DUSP4: variants seen among roughly 807,000 people sequenced by gnomAD.
DUSP4 encodes dual specificity protein phosphatase 4.
A neutral mutation model predicts 27.2 loss-of-function variants in DUSP4; 12 were observed. That is an observed-to-expected ratio of 0.44 (90% CI 0.28 to 0.71). The LOEUF (loss-of-function observed/expected upper bound fraction) is 0.71. DUSP4 is among the 30% of genes least tolerant of loss of function. The probability of loss-of-function intolerance (pLI) is 0.14; values close to 1 mark genes in which losing one functional copy is unlikely to be tolerated. For synonymous variants in DUSP4, 257 were observed against 245.2 expected (o/e 1.05, Z -0.45); for missense variants, 448 against 551.3 (o/e 0.81, Z 1.88).
chr8:29,340,285 C>A, intron 1 of DUSP4, 42 bp from the exon 2 acceptor site: 5 of 1,553,564 alleles, frequency 3.2e-6, no homozygotes, highest in Non-Finnish European at 3.5e-6. Flanking sequence ...GGTCACTAAG[C>A]CAGCAGGAAG....
chr8:29,350,425 G>T lies in DUSP4; in HGVS notation c.-147C>A. 2.1e-6 allele frequency: 2 copies of T among 936,402 alleles called. No individual in the cohort carries two copies. The highest frequency in any genetic ancestry group is 3.1e-6 in the Non-Finnish European group (2 of 649,080). 58.0% of individuals were successfully genotyped at this position (936,402 alleles called of 1,614,324 possible). ...GGTCCTCAAGGGCTCCCGCGGGAGA[G>T]CCTCTTCTTCCCTGTCCCCTTCCTC... On this transcript the variant is annotated 5_prime_UTR_variant, in exon 1 of 4. Coordinates refer to ENST00000240100, the MANE Select transcript of DUSP4 (RefSeq NM_001394.7).
chr8:29,336,203 T>C lies in DUSP4; in HGVS notation c.*823A>G, dbSNP rs1271300058. 1 of 152,078 alleles carries C rather than the reference T, an allele frequency of 6.6e-6. No homozygotes were observed. The highest frequency in any genetic ancestry group is 2.1e-4 in the South Asian group (1 of 4,804). 9.4% of individuals were successfully genotyped at this position (152,078 alleles called of 1,614,324 possible). ...TGGCAACATAGTGAGATGCTGTCTT[T>C]TTCTTTTCTTTTTTTTTTAAAAAGC... On this transcript the variant is annotated 3_prime_UTR_variant, in exon 4 of 4. Coordinates refer to ENST00000240100, the MANE Select transcript of DUSP4 (RefSeq NM_001394.7).
chr8:29,348,159 G>A, intron 1 of DUSP4: 1 of 985,582 alleles, frequency 1.0e-6, no homozygotes, highest in Non-Finnish European at 1.2e-6. Flanking sequence ...GGGTTTGGAC[G>A]CCAGCGAAGG....
At position 29,337,265 on chromosome 8, in the gene DUSP4, T is replaced by C. The variant is rs1333837370; in HGVS notation, c.946A>G (p.Ile316Val). The change falls in exon 4 of 4, where the codon ATC becomes GTC. Residue 316 changes from isoleucine (I) to valine (V), a missense_variant. Coordinates refer to ENST00000240100, the MANE Select transcript of DUSP4 (RefSeq NM_001394.7). This position sits in a 1 kb window ranked among gnomAD's most constrained non-coding sequence, Gnocchi z 6.4. ...AFEFVKQRRSIISPNFSFMGQ... is the reference protein window; with the variant it reads ...AFEFVKQRRSVISPNFSFMGQ... The stretch of plus-strand genomic sequence containing the variant: ...ATGAAGCTGAAGTTGGGCGAGATGA[T>C]GCTGCGGCGCTGCTTAACGAACTCG... 6.2e-6 allele frequency: 10 copies of C among 1,613,636 alleles called. No individual in the cohort carries two copies. Among genetic ancestry groups the C allele is most frequent in the African/African-American group, 2.7e-5 (2 of 74,928 alleles).
rs942355162 is a variant in DUSP4, at chr8:29,350,292, C to T, written c.-14G>A. ...CATCGTCACCATGGTCGCCGGGAAC[C>T]GAGGCGGCTGGGCGCGCGAGGAAGA... On this transcript the variant is annotated 5_prime_UTR_variant, in exon 1 of 4. Transcript: ENST00000240100. 6.4e-7 allele frequency: 1 copy of T among 1,558,602 alleles called. No homozygotes were observed. Among genetic ancestry groups the T allele is most frequent in the African/African-American group, 1.4e-5 (1 of 73,288 alleles).
intron 1 of DUSP4, chr8:29,348,237 C>A (rs2117277389): frequency 1.0e-5 from 10 of 985,590 alleles, no homozygotes; most frequent in Non-Finnish European, 1.2e-5. Flanking sequence ...TCCCGGCCAG[C>A]CCCGGCCATT....
chr8:29,348,561 G>A, intron 1 of DUSP4: 1 of 985,596 alleles, frequency 1.0e-6, no homozygotes. Flanking sequence ...AGGTCAAATG[G>A]GCAGGAAACA....
intron 1 of DUSP4, among the ~76,000 whole-genome samples, chr8:29,343,229 C>T (rs1034971358): frequency 4.0e-5 from 6 of 150,622 alleles, no homozygotes; most frequent in Admixed American, 1.3e-4. Context: ...GGCAGAAACA[C>T]TGGAAGGTTC....
rs746240763 is a variant in DUSP4 at position 29,336,986 on chromosome 8, G to T, written c.*40C>A. The T allele has an allele frequency of 6.5e-6, 10 of 1,530,946 alleles. No homozygotes were observed. Among genetic ancestry groups the T allele is most frequent in the Non-Finnish European group, 8.8e-6 (10 of 1,139,934 alleles). 94.8% of individuals were successfully genotyped at this position (1,530,946 alleles called of 1,614,324 possible). On this transcript the variant is annotated 3_prime_UTR_variant, in exon 4 of 4. Transcript: ENST00000240100. ...CCCGCATGCGGCCCGTCCTACCCTT[G>T]CTGGGAGCCAGCTCTGGTTCTGGGG...
At chr8:29,348,639 T>G in intron 1 of DUSP4, 1 of 985,398 alleles carries the variant, frequency 1.0e-6, no homozygotes, top group Non-Finnish European at 1.2e-6. Context: ...TGAACAGTTT[T>G]GTTGTGCTTT....
chr8:29,348,488 A>G, intron 1 of DUSP4: 1 of 985,590 alleles, frequency 1.0e-6, no homozygotes, highest in South Asian at 4.7e-5. Flanking sequence ...AGAAAGAAAA[A>G]TCAGCAAAAT....
intron 2 of DUSP4, 77 bp from the exon 3 acceptor site, chr8:29,338,578 G>A (rs1336141262): frequency 4.7e-6 from 7 of 1,479,298 alleles, no homozygotes; most frequent in Non-Finnish European, 6.4e-6. Flanking sequence ...AAGCTTGTCT[G>A]AGAAGAGCTT....
At chr8:29,348,314 T>G in intron 1 of DUSP4, 1 of 985,510 alleles carries the variant, frequency 1.0e-6, no homozygotes, top group Non-Finnish European at 1.2e-6. Context: ...GCTCAAACAA[T>G]GGCGCGGACG....
At chr8:29,345,796 T>A in intron 1 of DUSP4, 1 of 1,233,550 alleles carries the variant, frequency 8.1e-7, no homozygotes, top group Non-Finnish European at 1.0e-6. Context: ...TAGTTACTTT[T>A]GTTAGTTGGA....
At chr8:29,338,221 G>T in intron 3 of DUSP4, 61 bp downstream of exon 3, 4 of 1,556,274 alleles carry the variant, frequency 2.6e-6, no homozygotes, top group Non-Finnish European at 3.5e-6. Flanking sequence ...AGGCTTACAG[G>T]GGTTCCTTAT....
intron 2 of DUSP4, among the ~76,000 whole-genome samples, chr8:29,339,139 C>G (rs11786701): frequency 0.23 from 34,399 of 152,142 alleles, 4,502 homozygotes; most frequent in Admixed American, 0.36. Context: ...GCTATGATTG[C>G]GCCACAGGAC....
chr8:29,345,486 T>C (rs762733474), intron 1 of DUSP4: 6 of 1,600,900 alleles, frequency 3.7e-6, no homozygotes, highest in South Asian at 1.1e-5. Flanking sequence ...CGATCTGCTA[T>C]GTTCAGCAAA....
In DUSP4 at chr8:29,335,535, T is replaced by C. The variant is rs192223343; in HGVS notation, c.*1491A>G. ...GAAATGTGGTGTCCATTCCCCTCTT[T>C]ATTCAAAAGAGGACCTTCAAAAATA... On this transcript the variant is annotated 3_prime_UTR_variant, in exon 4 of 4. Coordinates refer to ENST00000240100, the MANE Select transcript of DUSP4 (RefSeq NM_001394.7). The C allele has an allele frequency of 1.6e-4, 25 of 152,336 alleles. No homozygotes were observed. The highest frequency in any genetic ancestry group is 1.4e-3 in the Admixed American group (22 of 15,312). 9.4% of individuals were successfully genotyped at this position (152,336 alleles called of 1,614,324 possible).
At position 29,335,455 on chromosome 8, in the gene DUSP4, A is replaced by G. The variant is rs1817558743; in HGVS notation, c.*1571T>C. The stretch of plus-strand genomic sequence containing the variant: ...CATACCAATGGAATCCGATGTAAGC[A>G]ATCCACCATCAGCTCACTGATGCTC... On this transcript the variant is annotated 3_prime_UTR_variant, in exon 4 of 4. Transcript: ENST00000240100. 1 of 152,242 alleles carries G rather than the reference A, an allele frequency of 6.6e-6. No individual in the cohort carries two copies. The highest frequency in any genetic ancestry group is 2.4e-5 in the African/African-American group (1 of 41,450). The allele number at this position is 152,242 out of a possible 1,614,324, so 9.4% of individuals were successfully genotyped here. A position where few individuals can be genotyped will look rare whatever the true frequency, so the allele number is the denominator to read the frequency against.
Sources: allele counts gnomAD v4.1 joint callset (sites outside exome capture counted in the v4.1 genomes callset), GRCh38; gene constraint gnomAD v4.1.1; non-coding constraint Gnocchi (gnomAD v3.1); transcripts MANE v1.5; gene names NCBI Gene and HGNC (gene_info 2026-07-23, HGNC 2026-07-21).